Variants in PDZD2 observed in about 807,000 individuals in gnomAD.
PDZD2 encodes the protein PDZ domain containing 2, also known as PDZ domain-containing protein 2.
Under a neutral mutation model 220.7 loss-of-function variants are expected in PDZD2, and 90 were observed. The observed-to-expected ratio is 0.41, with a 90% CI of 0.34 to 0.49. The LOEUF (loss-of-function observed/expected upper bound fraction) is 0.49, where lower values mean the gene tolerates loss of function less well. Among genes scored for constraint, PDZD2 ranks in the 20% least tolerant of loss-of-function variants. PDZD2 has a pLI of 0.28. For synonymous variants in PDZD2, 1,375 were observed against 1,450.5 expected (o/e 0.95, Z 1.18); for missense variants, 3,174 against 3,608.5 (o/e 0.88, Z 3.08).
chr5:31,763,729 A>G (rs913935282), intron 1 of PDZD2, among the ~76,000 whole-genome samples: 1 of 152,060 alleles, frequency 6.6e-6, no homozygotes, highest in African/African-American at 2.4e-5. Flanking sequence ...AGAGGCTCCT[A>G]TACCTCAGGT....
At chr5:31,660,542 A>G (rs1023977437) in intron 1 of PDZD2, among the ~76,000 whole-genome samples, 1 of 152,156 alleles carries the variant, frequency 6.6e-6, no homozygotes, top group Admixed American at 6.5e-5. Flanking sequence ...AGGTGGCAGG[A>G]GAGAGAAGTG....
chr5:31,678,660 G>T (rs903248557), intron 1 of PDZD2, among the ~76,000 whole-genome samples: 1 of 152,182 alleles, frequency 6.6e-6, no homozygotes, highest in African/African-American at 2.4e-5. Context: ...CTGTCGCCCA[G>T]GTTGGAGTAC....
In PDZD2 at chr5:32,073,914, G is replaced by A; in HGVS notation, c.2808G>A (p.Gln936=). ...GGGCTTCTGGGCTCTTCCACAAGCA[G>A]GTGACAGTTGCCAGACAAGCCAGTC... ...SHRASGLFHK[Q]VTVARQASLP... Residue 936 remains glutamine, a synonymous_variant, in exon 18 of 25, where the codon CAG becomes CAA. Coordinates refer to ENST00000438447, the MANE Select transcript of PDZD2 (RefSeq NM_178140.4). 1.2e-6 allele frequency: 2 copies of A among 1,614,118 alleles called. No individual in the cohort carries two copies. Among genetic ancestry groups the A allele is most frequent in the Non-Finnish European group, 1.7e-6 (2 of 1,179,990 alleles).
At chr5:31,669,169 G>A (rs1561373791) in intron 1 of PDZD2, among the ~76,000 whole-genome samples, 1 of 151,920 alleles carries the variant, frequency 6.6e-6, no homozygotes, top group African/African-American at 2.4e-5. Flanking sequence ...CACCTGTCTG[G>A]GAGACCCAGG....
At chr5:32,004,040 G>A (rs1752614940) in intron 5 of PDZD2, among the ~76,000 whole-genome samples, 1 of 152,070 alleles carries the variant, frequency 6.6e-6, no homozygotes, top group Non-Finnish European at 1.5e-5. Flanking sequence ...AATGGGGAAG[G>A]GGATGGCTTT....
intron 2 of PDZD2, among the ~76,000 whole-genome samples, chr5:31,814,826 A>G (rs1239391936): frequency 6.6e-6 from 1 of 151,472 alleles, no homozygotes; most frequent in Non-Finnish European, 1.5e-5. Flanking sequence ...AAAAAAAAAG[A>G]AAGAAGGAAA....
intron 2 of PDZD2, chr5:31,855,033 G>T (rs986327859): frequency 5.1e-6 from 5 of 985,182 alleles, no homozygotes; most frequent in Non-Finnish European, 6.0e-6. Context: ...CCGCCTGCAG[G>T]TGATTAGGCT....
intron 2 of PDZD2, among the ~76,000 whole-genome samples, chr5:31,945,303 C>T (rs1746539701): frequency 6.6e-6 from 1 of 152,156 alleles, no homozygotes; most frequent in Non-Finnish European, 1.5e-5. Flanking sequence ...AGGTTGTCAG[C>T]GGCCTGGAAA....
At chr5:31,761,225 GTCA>G (rs1332027222) in intron 1 of PDZD2, among the ~76,000 whole-genome samples, 3 of 152,140 alleles carry the variant, frequency 2.0e-5, no homozygotes, top group Admixed American at 1.3e-4. Context: ...ACAGTGAAAA[GTCA>G]CCCAAACGGA....
intron 1 of PDZD2, among the ~76,000 whole-genome samples, chr5:31,710,652 T>C (rs1440604686): frequency 6.6e-6 from 1 of 152,086 alleles, no homozygotes; most frequent in African/African-American, 2.4e-5. Context: ...ACCCTGTCTC[T>C]ACTAAAAATA....
At chr5:32,104,473 A>T (rs903398776) in intron 24 of PDZD2, among the ~76,000 whole-genome samples, 1 of 151,554 alleles carries the variant, frequency 6.6e-6, no homozygotes. Flanking sequence ...CTGGTGTCTC[A>T]GCCTCCTAAG....
chr5:32,051,008 A>T (rs1738489134), intron 8 of PDZD2, among the ~76,000 whole-genome samples: 1 of 152,100 alleles, frequency 6.6e-6, no homozygotes, highest in Admixed American at 6.6e-5. Context: ...TAATATAGAT[A>T]CCTACAGGTG....
intron 2 of PDZD2, among the ~76,000 whole-genome samples, chr5:31,946,670 C>T (rs1171410015): frequency 1.3e-5 from 2 of 152,134 alleles, no homozygotes; most frequent in Non-Finnish European, 2.9e-5. Context: ...AAAGGAAAGG[C>T]TCCATAGATT....
chr5:31,810,565 G>A (rs928557141), intron 2 of PDZD2, among the ~76,000 whole-genome samples: 9 of 152,148 alleles, frequency 5.9e-5, no homozygotes, highest in East Asian at 1.9e-4. Flanking sequence ...ACGACCAGCC[G>A]CCTCCAGAGA....
chr5:31,657,651 C>A (rs1745601646), intron 1 of PDZD2, among the ~76,000 whole-genome samples: 1 of 152,126 alleles, frequency 6.6e-6, no homozygotes, highest in Non-Finnish European at 1.5e-5. Flanking sequence ...TGGTCAGGAG[C>A]CTGTTTTAAC....
At position 32,080,209 on chromosome 5, in the gene PDZD2, G is replaced by A. The variant is rs370107006; in HGVS notation, c.3682+2603G>A. ...TAAAAATACAAAAAATTAGCCAGAC[G>A]TGGTGGTGGGCACCTGTAGTCCCAA... On this transcript the variant is annotated intron_variant, in intron 19 of 24. Transcript: ENST00000438447. 1.7e-3 allele frequency among the ~76,000 whole-genome samples: 253 copies of A among 151,992 alleles called. 1 individual carries two copies. The highest frequency in any genetic ancestry group is 5.9e-3 in the African/African-American group (244 of 41,446).
chr5:32,068,117 G>T (rs1478947992), intron 14 of PDZD2, among the ~76,000 whole-genome samples: 1 of 150,336 alleles, frequency 6.7e-6, no homozygotes, highest in Non-Finnish European at 1.5e-5. Flanking sequence ...CACTGAGAAG[G>T]AAATCATTCT....
At chr5:31,895,356 A>G (rs1403816527) in intron 2 of PDZD2, among the ~76,000 whole-genome samples, 2 of 152,116 alleles carry the variant, frequency 1.3e-5, no homozygotes, top group African/African-American at 4.8e-5. Flanking sequence ...GCCATTATGA[A>G]TGAGGCCTGA....
Position 32,087,891 on chromosome 5 carries a change from C to T in PDZD2, c.4443C>T (p.Ser1481=), listed in dbSNP as rs1742661022. 1.2e-6 allele frequency: 2 copies of T among 1,612,946 alleles called. No individual in the cohort carries two copies. The highest frequency in any genetic ancestry group is 2.2e-5 in the East Asian group (1 of 44,868). ...RAEPVPGGQT[S]SPRRAWAAGA... is the part of the protein sequence containing the mutation. ...AACCAGTCCCGGGGGGCCAGACCTC[C>T]TCCCCGAGGAGGGCCTGGGCTGCTG... Residue 1481 remains serine, a synonymous_variant, in exon 20 of 25, where the codon TCC becomes TCT. Coordinates refer to ENST00000438447, the MANE Select transcript of PDZD2 (RefSeq NM_178140.4). The surrounding 1 kb of genome is among the most constrained non-coding windows in gnomAD (Gnocchi z 4.0).
Sources: allele counts gnomAD v4.1 joint callset (sites outside exome capture counted in the v4.1 genomes callset), GRCh38; gene constraint gnomAD v4.1.1; non-coding constraint Gnocchi (gnomAD v3.1); transcripts MANE v1.5; gene names NCBI Gene and HGNC (gene_info 2026-07-23, HGNC 2026-07-21).